Variants in MS4A14 observed in about 807,000 individuals in gnomAD.
MS4A14 encodes membrane-spanning 4-domains subfamily A member 14.
Under a neutral mutation model 16.7 loss-of-function variants are expected in MS4A14, and 18 were observed. That is an observed-to-expected ratio of 1.08 (90% CI 0.75 to 1.60). The LOEUF is 1.60. Among genes scored for constraint, MS4A14 ranks in the 40% most tolerant of loss-of-function variants. The pLI is 0.00. For synonymous variants in MS4A14, 305 were observed against 289.4 expected, an observed-to-expected ratio of 1.05 and a Z score of -0.55; for missense variants, 812 against 775.3, an observed-to-expected ratio of 1.05 and a Z score of -0.56.
chr11:60,396,504 G>A lies in MS4A14; in HGVS notation c.-75G>A, dbSNP rs754166344. On this transcript the variant is annotated 5_prime_UTR_variant, in exon 1 of 5. Transcript: ENST00000300187. The stretch of plus-strand genomic sequence containing the variant: ...ATCTCTGAGGGCTCCATGTGACTCT[G>A]GTGGAGAGGTAGATCATGATTTGGG... The A allele has an allele frequency of 1.4e-5, 21 of 1,542,728 alleles. No homozygotes were observed. The highest frequency in any genetic ancestry group is 1.8e-5 in the Non-Finnish European group (20 of 1,135,884).
At chr11:60,414,665 AAAGGAAAGTCCAAATT>A (rs1461533314) in intron 4 of MS4A14, among the ~76,000 whole-genome samples, 2 of 152,152 alleles carry the variant, frequency 1.3e-5, no homozygotes, top group African/African-American at 4.8e-5. Context: ...TCTTATTTGT[AAAGGAAAGTCCAAATT>A]TCCTAGCCTA....
intron 4 of MS4A14, among the ~76,000 whole-genome samples, chr11:60,410,676 C>T (rs1044847669): frequency 6.6e-6 from 1 of 152,028 alleles, no homozygotes; most frequent in East Asian, 1.9e-4. Context: ...GTTATTCCAG[C>T]ATCATATGTT....
Position 60,417,077 on chromosome 11 carries a change from C to G in MS4A14, c.*69C>G. ...ATTTGAAATGAAGCACTGGCAAACA[C>G]AGGATCTATTAGAGAAAGAAGCCCT... is the stretch of plus-strand genomic sequence containing the variant. On this transcript the variant is annotated 3_prime_UTR_variant, in exon 5 of 5. Transcript: ENST00000300187. 1.3e-6 allele frequency: 2 copies of G among 1,533,882 alleles called. No homozygotes were observed. Among genetic ancestry groups the G allele is most frequent in the East Asian group, 4.5e-5 (2 of 44,248 alleles).
chr11:60,397,727 A>G, intron 1 of MS4A14, 125 bp from the exon 2 acceptor site: 1 of 844,600 alleles, frequency 1.2e-6, no homozygotes, highest in Non-Finnish European at 1.8e-6. Flanking sequence ...ATGATTGACA[A>G]ATGAGAGAGG....
chr11:60,416,744 T>A lies in MS4A14; in HGVS notation c.1776T>A (p.Asp592Glu), dbSNP rs374558627. ...GACAAGTTAAAGACCAGCAGACTGA[T>A]AAGGAGCAAAACTCAAAGAAGCAAA... ...KDGQVKDQQT[D>E]KEQNSKKQTQ... Residue 592 changes from aspartate to glutamate, a missense_variant, in exon 5 of 5, where the codon GAT (aspartate) becomes GAA (glutamate). Coordinates refer to ENST00000300187, the MANE Select transcript of MS4A14 (RefSeq NM_032597.5). The A allele has an allele frequency of 5.0e-6, 8 of 1,613,538 alleles. No homozygotes were observed. The African/African-American group carries it at 1.1e-4, about 22-fold the overall frequency.
chr11:60,409,525 T>C (rs981163503), intron 4 of MS4A14, among the ~76,000 whole-genome samples: 3 of 150,802 alleles, frequency 2.0e-5, no homozygotes, highest in African/African-American at 7.3e-5. Flanking sequence ...TGAATAGTAT[T>C]CTATTGTTTG....
intron 3 of MS4A14, among the ~76,000 whole-genome samples, chr11:60,401,128 A>G (rs2085707433): frequency 1.3e-5 from 2 of 152,178 alleles, no homozygotes. Flanking sequence ...CCTACTTCTA[A>G]GGGTTATTTT....
In MS4A14 at chr11:60,396,667, C is replaced by A. The variant is rs1192505122; in HGVS notation, c.89C>A (p.Pro30His). Residue 30 changes from proline (P) to histidine (H), a missense_variant, in exon 1 of 5, where the codon CCT becomes CAT. By Grantham distance (77) the Pro-to-His change is moderately conservative. Coordinates refer to ENST00000300187, the MANE Select transcript of MS4A14 (RefSeq NM_032597.5). ...ETVLTAFPYR[P>H]HSSLLDFLKG... ...GTATTGACTGCATTTCCCTACAGACCTCATAGCTCTCTGCTGGATTTTCTG... is the reference window on the plus strand; with the variant it reads ...GTATTGACTGCATTTCCCTACAGACATCATAGCTCTCTGCTGGATTTTCTG... The A allele has an allele frequency of 3.1e-6, 5 of 1,613,984 alleles. No homozygotes were observed. The highest frequency in any genetic ancestry group is 4.2e-6 in the Non-Finnish European group (5 of 1,179,954).
intron 4 of MS4A14, among the ~76,000 whole-genome samples, chr11:60,412,852 T>G (rs2085887257): frequency 6.6e-6 from 1 of 151,934 alleles, no homozygotes; most frequent in African/African-American, 2.4e-5. Context: ...TCCACATAAG[T>G]TTTAGAATTC....
chr11:60,401,619 T>A (rs2085714532), intron 3 of MS4A14, among the ~76,000 whole-genome samples: 1 of 152,214 alleles, frequency 6.6e-6, no homozygotes, highest in South Asian at 2.1e-4. Flanking sequence ...ATTCCATTTA[T>A]CTGTAAAATG....
chr11:60,401,803 A>T (rs1422430756), intron 3 of MS4A14, among the ~76,000 whole-genome samples: 1 of 152,200 alleles, frequency 6.6e-6, no homozygotes, highest in Non-Finnish European at 1.5e-5. Context: ...AAACAAGGGG[A>T]CTAAAGACCA....
In MS4A14 at chr11:60,415,641, G is replaced by A; in HGVS notation, c.673G>A (p.Gly225Ser). 9 of 1,613,796 alleles carry A rather than the reference G, an allele frequency of 5.6e-6. No homozygotes were observed. The highest frequency in any genetic ancestry group is 6.8e-6 in the Non-Finnish European group (8 of 1,179,834). Reference protein sequence around the residue: ...SPLVSQPGNKGREFVPDEQKQ... With the variant: ...SPLVSQPGNKSREFVPDEQKQ... ...TTTAGTCTCCCAACCAGGTAATAAA[G>A]GTAGAGAATTTGTGCCAGATGAACA... Residue 225 changes from glycine to serine, a missense_variant, in exon 5 of 5, where the codon GGT (glycine) becomes AGT (serine). Coordinates refer to ENST00000300187, the MANE Select transcript of MS4A14 (RefSeq NM_032597.5).
intron 4 of MS4A14, chr11:60,404,632 AG>A (rs2085761368): frequency 2.2e-6 from 1 of 455,512 alleles, no homozygotes; most frequent in Non-Finnish European, 4.4e-6. Context: ...AGATGATCAG[AG>A]GATCAGCTTC....
At chr11:60,411,579 T>G (rs542276749) in intron 4 of MS4A14, among the ~76,000 whole-genome samples, 1 of 152,346 alleles carries the variant, frequency 6.6e-6, no homozygotes, top group East Asian at 1.9e-4. Flanking sequence ...ATTGCTGTTA[T>G]ACAGAAACAA....
At position 60,403,001 on chromosome 11, in the gene MS4A14, C is replaced by T; in HGVS notation, c.408C>T (p.Asp136=). 6.2e-7 allele frequency: 1 copy of T among 1,613,866 alleles called. No individual in the cohort carries two copies. The highest frequency in any genetic ancestry group is 8.5e-7 in the Non-Finnish European group (1 of 1,179,786). The change falls in exon 4 of 5, where the codon GAC becomes GAT. Residue 136 remains aspartate, a synonymous_variant. Coordinates refer to ENST00000300187, the MANE Select transcript of MS4A14 (RefSeq NM_032597.5). ...TFTILSYRHQ[D]KYCQMPSFEE... ...CCATTCTCAGCTACAGACATCAAGA[C>T]AAGTACTGCCAGATGCCATCCTTTG...
chr11:60,399,075 A>T (rs2085672081), intron 2 of MS4A14, among the ~76,000 whole-genome samples: 2 of 152,344 alleles, frequency 1.3e-5, no homozygotes, highest in Admixed American at 6.5e-5. Flanking sequence ...AGGTGCTGAG[A>T]CTGAGAATAC....
intron 2 of MS4A14, among the ~76,000 whole-genome samples, chr11:60,399,669 C>T (rs1396437655): frequency 2.0e-5 from 3 of 152,012 alleles, no homozygotes; most frequent in East Asian, 1.9e-4. Flanking sequence ...AAGAGTTTCC[C>T]GAACTAGCTT....
At chr11:60,404,517 T>G (rs1420431535) in intron 4 of MS4A14, 1 of 456,846 alleles carries the variant, frequency 2.2e-6, no homozygotes, top group Admixed American at 2.3e-5. Context: ...GTAACACCTA[T>G]CCTACCTATC....
At chr11:60,405,196 C>T (rs1263677804) in intron 4 of MS4A14, among the ~76,000 whole-genome samples, 1 of 152,134 alleles carries the variant, frequency 6.6e-6, no homozygotes, top group Non-Finnish European at 1.5e-5. Flanking sequence ...TCTCCTGCCT[C>T]AGCCTCCCGA....
Sources: gnomAD v4.1 joint callset for allele counts (sites outside exome capture counted in the v4.1 genomes callset) on GRCh38, gnomAD v4.1.1 for gene constraint, MANE v1.5 for transcripts, NCBI Gene and HGNC (gene_info 2026-07-23, HGNC 2026-07-21) for gene names.